The following SLC30A9 variants were observed in gnomAD, a reference collection of about 807,000 sequenced individuals.
SLC30A9 encodes the protein solute carrier family 30 member 9.
SLC30A9 carries 58 observed loss-of-function variants against 87.5 expected under a neutral mutation model. The observed-to-expected ratio is 0.66, with a 90% CI of 0.54 to 0.82. The LOEUF is 0.82. Ranked by LOEUF, SLC30A9 falls within the 40% of genes least tolerant of loss-of-function variation. SLC30A9 has a pLI of 0.00. For missense variants in SLC30A9, 557 were observed against 679.1 expected (o/e 0.82, Z 2.00); for synonymous variants, 234 against 233.0 (o/e 1.00, Z -0.04).
chr4:42,067,238 T>G (rs1560558022), intron 14 of SLC30A9, 46 bp downstream of exon 14: 1 of 1,145,874 alleles, frequency 8.7e-7, no homozygotes, highest in East Asian at 2.4e-5. Context: ...CCTACTTAAA[T>G]AATTCTCTAA....
Position 42,070,654 on chromosome 4 carries a change from C to G in SLC30A9, c.1381C>G (p.Arg461Gly), listed in dbSNP as rs752883251. Residue 461 changes from arginine (R) to glycine (G), a missense_variant, in exon 15 of 18, where the codon CGG becomes GGG. By Grantham distance (125) the Arg-to-Gly change is moderately radical. This residue lies in a region of SLC30A9 where 90 missense variants were observed against 149.4 expected (regional missense o/e 0.60). Coordinates refer to ENST00000264451, the MANE Select transcript of SLC30A9 (RefSeq NM_006345.4). ...GRSIQPEQVQ[R>G]LTELLENDPS... ...GTCCATCCAGCCAGAACAAGTACAA[C>G]GGCTCACTGAACTCCTGGAGAATGA... The G allele has an allele frequency of 6.2e-7, 1 of 1,613,790 alleles. No individual in the cohort carries two copies. Among genetic ancestry groups the G allele is most frequent in the Non-Finnish European group, 8.5e-7 (1 of 1,179,868 alleles).
intron 6 of SLC30A9, 104 bp downstream of exon 6, chr4:42,023,488 T>C (rs1478482690): frequency 7.6e-6 from 5 of 657,166 alleles, no homozygotes; most frequent in Non-Finnish European, 1.1e-5. Context: ...TGGCCTAGGC[T>C]CTGTTGCTTC....
chr4:42,026,936 C>G (rs1413272213), intron 6 of SLC30A9, among the ~76,000 whole-genome samples: 3 of 151,952 alleles, frequency 2.0e-5, no homozygotes, highest in African/African-American at 7.3e-5. Context: ...CTAAATTTAC[C>G]TATTAATTCT....
chr4:42,061,284 C>T (rs140839172), intron 10 of SLC30A9, among the ~76,000 whole-genome samples: 6 of 152,266 alleles, frequency 3.9e-5, no homozygotes, highest in East Asian at 3.9e-4. Context: ...AACTGAAGAA[C>T]TAGATTTTAA....
At chr4:41,997,035 A>AATAAATAAATAAATAG (rs1294298594) in intron 1 of SLC30A9, among the ~76,000 whole-genome samples, 1 of 135,496 alleles carries the variant, frequency 7.4e-6, no homozygotes, top group Non-Finnish European at 1.6e-5. Flanking sequence ...CTCCATCTCA[A>AATAAATAAATAAATAG]ATAAATAAAT....
intron 17 of SLC30A9, among the ~76,000 whole-genome samples, chr4:42,080,113 A>G (rs933076797): frequency 5.3e-5 from 8 of 152,202 alleles, no homozygotes; most frequent in African/African-American, 1.9e-4. Context: ...CTGTTCCTAT[A>G]GCCTTTTGAG....
At chr4:42,048,411 G>A (rs543827915) in intron 8 of SLC30A9, among the ~76,000 whole-genome samples, 1 of 152,082 alleles carries the variant, frequency 6.6e-6, no homozygotes, top group African/African-American at 2.4e-5. Context: ...ATCTGAGGTG[G>A]AGGAGATGGG....
intron 6 of SLC30A9, among the ~76,000 whole-genome samples, chr4:42,025,198 A>G (rs1716135899): frequency 6.6e-6 from 1 of 152,202 alleles, no homozygotes; most frequent in Non-Finnish European, 1.5e-5. Flanking sequence ...ATATCATTTT[A>G]TTTATAAATA....
intron 6 of SLC30A9, chr4:42,029,127 G>A (rs562203449): frequency 2.2e-5 from 7 of 311,206 alleles, no homozygotes; most frequent in Non-Finnish European, 4.6e-5. Flanking sequence ...CAGAGACAAT[G>A]AGCAACACCT....
chr4:42,062,895 T>C (rs959235762), intron 10 of SLC30A9, 91 bp from the exon 11 acceptor site: 3 of 1,032,596 alleles, frequency 2.9e-6, no homozygotes, highest in African/African-American at 3.2e-5. Context: ...ATCTTGATAT[T>C]GTTAGTCTTT....
intron 2 of SLC30A9, among the ~76,000 whole-genome samples, chr4:42,003,306 G>A (rs1715063024): frequency 6.6e-6 from 1 of 152,250 alleles, no homozygotes; most frequent in East Asian, 1.9e-4. Flanking sequence ...AATTGCTGGT[G>A]TGGTGTTTAT....
chr4:42,062,307 TC>T (rs939886456), intron 10 of SLC30A9, among the ~76,000 whole-genome samples: 1 of 152,182 alleles, frequency 6.6e-6, no homozygotes, highest in African/African-American at 2.4e-5. Context: ...GTGATTCTTT[TC>T]CTCCTCTAGT....
intron 8 of SLC30A9, among the ~76,000 whole-genome samples, chr4:42,046,128 A>G (rs1407733787): frequency 6.6e-6 from 1 of 152,220 alleles, no homozygotes; most frequent in Non-Finnish European, 1.5e-5. Flanking sequence ...AGCCAATATC[A>G]TACTGAATGG....
chr4:42,066,644 G>A, intron 13 of SLC30A9, 23 bp downstream of exon 13: 1 of 1,532,836 alleles, frequency 6.5e-7, no homozygotes, highest in Non-Finnish European at 9.0e-7. Context: ...GAAACCAAGT[G>A]TTTGTTTCAC....
Position 42,041,461 on chromosome 4 carries a change from T to C in SLC30A9, c.737+2408T>C, listed in dbSNP as rs139502227. Among the ~76,000 whole-genome samples, 1,357 of 152,236 alleles carry C rather than the reference T, an allele frequency of 8.9e-3. 22 individuals are homozygous for C. The highest frequency in any genetic ancestry group is 0.031 in the African/African-American group (1,304 of 41,550). Reference sequence around the variant, plus strand: ...TGTTTTAAGGAAATAGCAGGCCTGGTACAGGCACACACCTGGAATCTCAGC... The same window carrying C: ...TGTTTTAAGGAAATAGCAGGCCTGGCACAGGCACACACCTGGAATCTCAGC... On this transcript the variant is annotated intron_variant, in intron 8 of 17. Coordinates refer to ENST00000264451, the MANE Select transcript of SLC30A9 (RefSeq NM_006345.4).
chr4:42,043,723 A>G (rs1245925976), intron 8 of SLC30A9, among the ~76,000 whole-genome samples: 1 of 152,188 alleles, frequency 6.6e-6, no homozygotes, highest in Non-Finnish European at 1.5e-5. Flanking sequence ...AGAGAACACC[A>G]CAAAGACAGT....
chr4:41,997,959 G>A (rs768765657), intron 1 of SLC30A9, among the ~76,000 whole-genome samples: 1 of 152,274 alleles, frequency 6.6e-6, no homozygotes, highest in African/African-American at 2.4e-5. Context: ...ATAAACTCAC[G>A]TTGCAAGAAA....
At chr4:42,058,885 A>G (rs1045959042) in intron 9 of SLC30A9, among the ~76,000 whole-genome samples, 8 of 152,326 alleles carry the variant, frequency 5.3e-5, no homozygotes, top group African/African-American at 1.9e-4. Flanking sequence ...AAACCATATC[A>G]GGGTGTAAAA....
At chr4:42,048,294 G>C (rs1717251621) in intron 8 of SLC30A9, among the ~76,000 whole-genome samples, 1 of 152,130 alleles carries the variant, frequency 6.6e-6, no homozygotes, top group Non-Finnish European at 1.5e-5. Context: ...AGGAGGTTAA[G>C]AGAAATGCTA....
Sources: gnomAD v4.1 joint callset for allele counts (sites outside exome capture counted in the v4.1 genomes callset) on GRCh38, gnomAD v4.1.1 for gene constraint, gnomAD v4.1.1 regional missense constraint, MANE v1.5 for transcripts, NCBI Gene and HGNC (gene_info 2026-07-23, HGNC 2026-07-21) for gene names.